Variants in FOXK1 observed in about 807,000 individuals in gnomAD.
The protein encoded by FOXK1 is forkhead box protein K1.
A neutral mutation model predicts 51.9 loss-of-function variants in FOXK1; 19 were observed. That is an observed-to-expected ratio of 0.37 (90% CI 0.26 to 0.54). The LOEUF is 0.54. Ranked by LOEUF, FOXK1 falls within the 20% of genes least tolerant of loss-of-function variation. The probability of loss-of-function intolerance (pLI) is 0.87; values close to 1 mark genes in which losing one functional copy is unlikely to be tolerated. For missense variants in FOXK1, 870 were observed against 1,032.7 expected (o/e 0.84, Z 2.16); for synonymous variants, 537 against 482.6 (o/e 1.11, Z -1.48).
chr7:4,747,262 C>T lies in FOXK1; in HGVS notation c.746+6239C>T, dbSNP rs566187457. 4.4e-4 allele frequency among the ~76,000 whole-genome samples: 66 copies of T among 151,198 alleles called. No individual in the cohort carries two copies. The South Asian group carries it at 8.6e-3, about 20-fold the overall frequency. On this transcript the variant is annotated intron_variant, in intron 2 of 8. Coordinates refer to ENST00000328914, the MANE Select transcript of FOXK1 (RefSeq NM_001037165.2). This position sits in a 1 kb window ranked among gnomAD's most constrained non-coding sequence, Gnocchi z 9.2. ...CGGGCATGTTACGCACGAGGACAGC[C>T]CTTTCCGGGTTCCATGAGCCTCAGG...
At chr7:4,712,699 C>T (rs752115719) in intron 1 of FOXK1, among the ~76,000 whole-genome samples, 1 of 152,142 alleles carries the variant, frequency 6.6e-6, no homozygotes, top group East Asian at 1.9e-4. Context: ...GTTTCCGATC[C>T]TCTTACCTCG....
chr7:4,754,797 A>C, intron 3 of FOXK1, 182 bp downstream of exon 3: 2 of 759,262 alleles, frequency 2.6e-6, no homozygotes, highest in Non-Finnish European at 2.1e-6. Flanking sequence ...TCGTGCCCAA[A>C]TCATCCCCGT....
At chr7:4,712,161 C>G (rs1780183347) in intron 1 of FOXK1, among the ~76,000 whole-genome samples, 1 of 151,902 alleles carries the variant, frequency 6.6e-6, no homozygotes, top group Non-Finnish European at 1.5e-5. Flanking sequence ...GAAATCCAAG[C>G]ATCGTTTCCC....
At chr7:4,739,354 G>A (rs987453602) in intron 1 of FOXK1, among the ~76,000 whole-genome samples, 7 of 152,170 alleles carry the variant, frequency 4.6e-5, no homozygotes, top group African/African-American at 1.2e-4. Context: ...CTGCGCAGGC[G>A]GCCAGCGTTC....
Position 4,734,952 on chromosome 7 carries a change from CCT to C in FOXK1, c.561-5881_561-5880del, listed in dbSNP as rs1780533764. Among the ~76,000 whole-genome samples the C allele has an allele frequency of 6.6e-6, 1 of 152,144 alleles. No individual in the cohort carries two copies. Among genetic ancestry groups the C allele is most frequent in the Non-Finnish European group, 1.5e-5 (1 of 68,036 alleles). On this transcript the variant is annotated intron_variant, in intron 1 of 8. Coordinates refer to ENST00000328914, the MANE Select transcript of FOXK1 (RefSeq NM_001037165.2). This position sits in a 1 kb window ranked among gnomAD's most constrained non-coding sequence, Gnocchi z 5.2. ...GGAAGCTTTCACGGGCTCTTCCTTC[CCT>C]CTCTGATTATTTCTCTGAGTCTGAA...
At chr7:4,724,630 C>T (rs111623417) in intron 1 of FOXK1, among the ~76,000 whole-genome samples, 15 of 152,340 alleles carry the variant, frequency 9.8e-5, no homozygotes, top group African/African-American at 3.6e-4. Flanking sequence ...GGCTCCACGG[C>T]CCCCATCCTA....
Position 4,755,605 on chromosome 7 carries a change from A to C in FOXK1, c.1050+222A>C, listed in dbSNP as rs1356127752. ...AAATTAGCTGAGTGTGGTGGTGCACACCTGTGGTCGCAGCTACTCGGAGGC... is the reference window on the plus strand; with the variant it reads ...AAATTAGCTGAGTGTGGTGGTGCACCCCTGTGGTCGCAGCTACTCGGAGGC... On this transcript the variant is annotated intron_variant, in intron 4 of 8. Transcript: ENST00000328914. This position sits in a 1 kb window ranked among gnomAD's most constrained non-coding sequence, Gnocchi z 6.6. Among the ~76,000 whole-genome samples the C allele has an allele frequency of 6.6e-6, 1 of 152,108 alleles. No homozygotes were observed. Among genetic ancestry groups the C allele is most frequent in the African/African-American group, 2.4e-5 (1 of 41,422 alleles).
At chr7:4,694,061 T>C (rs942496743) in intron 1 of FOXK1, among the ~76,000 whole-genome samples, 3 of 151,822 alleles carry the variant, frequency 2.0e-5, no homozygotes, top group African/African-American at 7.3e-5. Context: ...CTTTTTATTA[T>C]TTTTTATAGA....
At chr7:4,685,994 T>C (rs1779813518) in intron 1 of FOXK1, among the ~76,000 whole-genome samples, 1 of 151,834 alleles carries the variant, frequency 6.6e-6, no homozygotes, top group Non-Finnish European at 1.5e-5. Flanking sequence ...CTTAAGCCTA[T>C]TATGTTGAAA....
At position 4,755,115 on chromosome 7, in the gene FOXK1, C is replaced by T. The variant is rs35541996; in HGVS notation, c.904-122C>T. ...ATGGGATAGTTGGAGGGCACTGGGACGGGTGCCGGCAAGACGCGCACATTC... is the reference window on the plus strand; with the variant it reads ...ATGGGATAGTTGGAGGGCACTGGGATGGGTGCCGGCAAGACGCGCACATTC... On this transcript the variant is annotated intron_variant, in intron 3 of 8. Transcript: ENST00000328914. The surrounding 1 kb of genome is among the most constrained non-coding windows in gnomAD (Gnocchi z 6.6). 0.036 allele frequency: 44,822 copies of T among 1,258,346 alleles called. 983 individuals carry two copies. The highest frequency in any genetic ancestry group is 0.041 in the Non-Finnish European group (37,214 of 914,042). 77.9% of individuals were successfully genotyped at this position (1,258,346 alleles called of 1,614,324 possible).
At position 4,761,183 on chromosome 7, in the gene FOXK1, C is replaced by T. The variant is rs1353946909; in HGVS notation, c.1816C>T (p.Pro606Ser). The T allele has an allele frequency of 6.2e-7, 1 of 1,612,930 alleles. No individual in the cohort carries two copies. The highest frequency in any genetic ancestry group is 2.2e-5 in the East Asian group (1 of 44,866). Residue 606 changes from proline (P) to serine (S), a missense_variant, in exon 8 of 9, where the codon CCC (proline) becomes TCC (serine). This residue lies in a region of FOXK1 where 457 missense variants were observed against 510.8 expected (regional missense o/e 0.89). Transcript: ENST00000328914. The surrounding 1 kb of genome is among the most constrained non-coding windows in gnomAD (Gnocchi z 6.2). ...CGGACACACGGTCACCATCCTGCAG[C>T]CCGCCACACCCGTGACCCTCGGGCA... The part of the protein sequence containing the change: ...VPGHTVTILQ[P>S]ATPVTLGQHH...
chr7:4,761,067 T>A lies in FOXK1; in HGVS notation c.1700T>A (p.Leu567Gln), dbSNP rs775980971. 2.5e-6 allele frequency: 4 copies of A among 1,611,102 alleles called. No homozygotes were observed. Among genetic ancestry groups the A allele is most frequent in the Non-Finnish European group, 2.5e-6 (3 of 1,178,254 alleles). Reference protein sequence around the residue: ...VLDLGSEARGLEEKPTIAFAT... With the variant: ...VLDLGSEARGQEEKPTIAFAT... ...TGACTTGGTTCCTGTCCCGCAGGCC[T>A]GGAGGAGAAACCCACCATTGCGTTT... Residue 567 changes from leucine to glutamine, a missense_variant, in exon 8 of 9, where the codon CTG (leucine) becomes CAG (glutamine). By Grantham distance (113) the Leu-to-Gln change is moderately radical. Coordinates refer to ENST00000328914, the MANE Select transcript of FOXK1 (RefSeq NM_001037165.2). The surrounding 1 kb of genome is among the most constrained non-coding windows in gnomAD (Gnocchi z 6.2).
At chr7:4,739,897 G>T (rs369037523) in intron 1 of FOXK1, among the ~76,000 whole-genome samples, 4 of 152,202 alleles carry the variant, frequency 2.6e-5, no homozygotes, top group Non-Finnish European at 4.4e-5. Flanking sequence ...AGTTGCCCTG[G>T]CAGACAGGAA....
At chr7:4,727,567 G>A (rs1237633942) in intron 1 of FOXK1, among the ~76,000 whole-genome samples, 1 of 152,146 alleles carries the variant, frequency 6.6e-6, no homozygotes, top group Non-Finnish European at 1.5e-5. Flanking sequence ...CTCCTGCCTT[G>A]GCCTCCCAAA....
chr7:4,682,321 G>C lies in FOXK1; in HGVS notation c.13G>C (p.Gly5Arg), dbSNP rs1779756242. The C allele has an allele frequency of 2.0e-6, 2 of 992,810 alleles. No homozygotes were observed. The highest frequency in any genetic ancestry group is 8.7e-5 in the South Asian group (2 of 23,068). The allele number at this position is 992,810 out of a possible 1,614,324, so 61.5% of individuals were successfully genotyped here. ...GAGCCGCGCGAACATGGCCGAAGTC[G>C]GCGAGGACAGCGGCGCCCGCGCCCT... MAEV[G>R]EDSGARALLA... is the part of the protein sequence containing the mutation. The change falls in exon 1 of 9, where the codon GGC (glycine) becomes CGC (arginine). Residue 5 changes from glycine (G) to arginine (R), a missense_variant. Physicochemically the swap from Gly to Arg is moderately radical, Grantham distance 125 (BLOSUM62 -2). This residue lies in a region of FOXK1 where 399 missense variants were observed against 475.6 expected (regional missense o/e 0.84). Transcript: ENST00000328914. The surrounding 1 kb of genome is among the most constrained non-coding windows in gnomAD (Gnocchi z 7.6).
chr7:4,739,770 T>A (rs1780607427), intron 1 of FOXK1, among the ~76,000 whole-genome samples: 1 of 152,216 alleles, frequency 6.6e-6, no homozygotes, highest in Non-Finnish European at 1.5e-5. Flanking sequence ...CGTTGTCAGA[T>A]CTTCTAGGCA....
rs1780714888 is a variant in FOXK1 at position 4,747,218 on chromosome 7, C to T, written c.746+6195C>T. Among the ~76,000 whole-genome samples, 1 of 152,180 alleles carries T rather than the reference C, an allele frequency of 6.6e-6. No homozygotes were observed. ...GACAAGCGGCTTGTGTGGAGTAGGC[C>T]TGTTGCATGGCTTCTGTGCGGGCAT... On this transcript the variant is annotated intron_variant, in intron 2 of 8. Coordinates refer to ENST00000328914, the MANE Select transcript of FOXK1 (RefSeq NM_001037165.2). The surrounding 1 kb of genome is among the most constrained non-coding windows in gnomAD (Gnocchi z 9.2).
At chr7:4,728,412 A>G (rs1780407943) in intron 1 of FOXK1, among the ~76,000 whole-genome samples, 1 of 152,182 alleles carries the variant, frequency 6.6e-6, no homozygotes, top group Non-Finnish European at 1.5e-5. Flanking sequence ...TCCACTTCAC[A>G]TGTAAACTTG....
rs1780510563 is a variant in FOXK1, at chr7:4,733,629, C to G, written c.561-7209C>G. Among the ~76,000 whole-genome samples the G allele has an allele frequency of 6.6e-6, 1 of 152,210 alleles. No homozygotes were observed. Among genetic ancestry groups the G allele is most frequent in the Non-Finnish European group, 1.5e-5 (1 of 68,038 alleles). ...TCTGTCTCCATGTTTGCTATAGAAG[C>G]AGGAGAGAAGGTGCTCTGGGAACTA... On this transcript the variant is annotated intron_variant, in intron 1 of 8. Coordinates refer to ENST00000328914, the MANE Select transcript of FOXK1 (RefSeq NM_001037165.2). The surrounding 1 kb of genome is among the most constrained non-coding windows in gnomAD (Gnocchi z 5.0).
Sources: gnomAD v4.1 joint callset for allele counts (sites outside exome capture counted in the v4.1 genomes callset) on GRCh38, gnomAD v4.1.1 for gene constraint, gnomAD v4.1.1 regional missense constraint, Gnocchi (gnomAD v3.1) non-coding constraint, MANE v1.5 for transcripts, NCBI Gene and HGNC (gene_info 2026-07-23, HGNC 2026-07-21) for gene names.